The following ADCY3 variants were observed in gnomAD, a reference collection of about 807,000 sequenced individuals.
ADCY3 encodes adenylate cyclase 3, also known as adenylate cyclase type 3.
Under a neutral mutation model 119.4 loss-of-function variants are expected in ADCY3, and 70 were observed. The ratio of observed to expected loss-of-function variants is 0.59; its 90% CI spans 0.48 to 0.72. The LOEUF (loss-of-function observed/expected upper bound fraction) is 0.72, where lower values mean the gene tolerates loss of function less well. Among genes scored for constraint, ADCY3 ranks in the 30% least tolerant of loss-of-function variants. ADCY3 has a pLI of 0.00. For synonymous variants in ADCY3, 672 were observed against 621.4 expected (o/e 1.08, Z -1.21); for missense variants, 1,238 against 1,541.6 (o/e 0.80, Z 3.30).
chr2:24,825,422 C>T (rs1191391210), intron 16 of ADCY3, among the ~76,000 whole-genome samples: 3 of 147,646 alleles, frequency 2.0e-5, no homozygotes, highest in Non-Finnish European at 4.5e-5. Flanking sequence ...ACAGCCTCAA[C>T]CTCCTAGATT....
At chr2:24,833,640 G>C (rs559424334) in intron 11 of ADCY3, among the ~76,000 whole-genome samples, 1 of 152,226 alleles carries the variant, frequency 6.6e-6, no homozygotes, top group Admixed American at 6.5e-5. Flanking sequence ...GAGAGCAGGG[G>C]TTTCTGTGTG....
chr2:24,876,624 C>T (rs1404303717), intron 2 of ADCY3, among the ~76,000 whole-genome samples: 1 of 152,134 alleles, frequency 6.6e-6, no homozygotes, highest in Non-Finnish European at 1.5e-5. Context: ...GGGACGGTGG[C>T]GTGACATCGT....
Position 24,834,659 on chromosome 2 carries a change from C to A in ADCY3, c.1806-13G>T. 2 of 1,611,432 alleles carry A rather than the reference C, an allele frequency of 1.2e-6. No homozygotes were observed. Among genetic ancestry groups the A allele is most frequent in the Non-Finnish European group, 1.7e-6 (2 of 1,177,836 alleles). ...TCTCTTCTTTACTCTGCAGTGGGAA[C>A]AAGCCCCATGAATCCCAAATGCCAC... On this transcript the variant is annotated splice_polypyrimidine_tract_variant and intron_variant, in intron 10 of 21. Transcript: ENST00000679454. The surrounding 1 kb of genome is among the most constrained non-coding windows in gnomAD (Gnocchi z 4.2).
chr2:24,894,330 C>T (rs188014396), intron 2 of ADCY3, among the ~76,000 whole-genome samples: 76 of 152,158 alleles, frequency 5.0e-4, no homozygotes, highest in African/African-American at 1.7e-3. Flanking sequence ...AAAAAGTTAG[C>T]CAGACATGCT....
At chr2:24,840,413 G>A in intron 6 of ADCY3, 1 of 392,130 alleles carries the variant, frequency 2.6e-6, no homozygotes, top group Admixed American at 3.6e-5. Context: ...ACAGCCCCCT[G>A]CCTGAACGTG....
At chr2:24,895,193 C>A (rs111772568) in intron 2 of ADCY3, among the ~76,000 whole-genome samples, 1 of 151,988 alleles carries the variant, frequency 6.6e-6, no homozygotes, top group Non-Finnish European at 1.5e-5. Flanking sequence ...TGGGTTCAAG[C>A]GATTCTCCTG....
chr2:24,832,815 A>G (rs542633913), intron 11 of ADCY3, among the ~76,000 whole-genome samples: 3 of 152,198 alleles, frequency 2.0e-5, no homozygotes, highest in African/African-American at 4.8e-5. Context: ...TGGGCACTGC[A>G]AACTTCACGT....
intron 2 of ADCY3, among the ~76,000 whole-genome samples, chr2:24,879,274 C>T (rs1572970404): frequency 6.6e-6 from 1 of 151,944 alleles, no homozygotes; most frequent in Non-Finnish European, 1.5e-5. Flanking sequence ...AAATCGAGAC[C>T]ATCCTGGCTA....
chr2:24,916,493 C>T (rs903825783), intron 2 of ADCY3, among the ~76,000 whole-genome samples: 13 of 152,328 alleles, frequency 8.5e-5, no homozygotes, highest in African/African-American at 3.1e-4. Context: ...ACTATCCTGG[C>T]CAACATGGTG....
intron 17 of ADCY3, 62 bp downstream of exon 17, chr2:24,824,316 G>A (rs1390926557): frequency 1.9e-6 from 3 of 1,584,544 alleles, no homozygotes; most frequent in Non-Finnish European, 2.6e-6. Context: ...GGGGCTGCCT[G>A]AAAGAAAGAA....
At chr2:24,849,438 G>A (rs1672035790) in intron 3 of ADCY3, among the ~76,000 whole-genome samples, 1 of 152,208 alleles carries the variant, frequency 6.6e-6, no homozygotes, top group Admixed American at 6.5e-5. Context: ...CATGAGTGAA[G>A]CGGCCGTGAG....
At chr2:24,915,547 T>G (rs1287271604) in intron 2 of ADCY3, among the ~76,000 whole-genome samples, 3 of 152,010 alleles carry the variant, frequency 2.0e-5, no homozygotes, top group African/African-American at 7.2e-5. Context: ...TTTTTGTTGT[T>G]TTTGTTTTTG....
chr2:24,883,266 T>C (rs1247071295), intron 2 of ADCY3, among the ~76,000 whole-genome samples: 1 of 152,108 alleles, frequency 6.6e-6, no homozygotes, highest in African/African-American at 2.4e-5. Flanking sequence ...AAGAATCGCT[T>C]GAACCCGGGA....
At chr2:24,894,212 G>C (rs1047637489) in intron 2 of ADCY3, among the ~76,000 whole-genome samples, 1 of 152,176 alleles carries the variant, frequency 6.6e-6, no homozygotes, top group African/African-American at 2.4e-5. Flanking sequence ...AGCCAAGTGT[G>C]GTGGCTCACA....
At chr2:24,904,400 C>A (rs1170950875) in intron 2 of ADCY3, among the ~76,000 whole-genome samples, 1 of 152,024 alleles carries the variant, frequency 6.6e-6, no homozygotes, top group African/African-American at 2.4e-5. Flanking sequence ...TGTGGTGGCA[C>A]ATGCCTGTAG....
At chr2:24,833,257 G>C (rs183709639) in intron 11 of ADCY3, among the ~76,000 whole-genome samples, 4 of 152,220 alleles carry the variant, frequency 2.6e-5, no homozygotes, top group African/African-American at 9.6e-5. Context: ...GCGTGTAGGA[G>C]GCCCCACGTC....
At chr2:24,852,189 C>T (rs1288651224) in intron 3 of ADCY3, among the ~76,000 whole-genome samples, 7 of 152,170 alleles carry the variant, frequency 4.6e-5, no homozygotes, top group Non-Finnish European at 4.4e-5. Flanking sequence ...ACAGAAACGG[C>T]CCAGCGGCTG....
intron 3 of ADCY3, among the ~76,000 whole-genome samples, chr2:24,848,671 C>A (rs1300363800): frequency 6.6e-6 from 1 of 152,182 alleles, no homozygotes; most frequent in African/African-American, 2.4e-5. Flanking sequence ...CAGTGCCTGG[C>A]CCACAGGAAG....
At position 24,834,605 on chromosome 2, in the gene ADCY3, A is replaced by G. The variant is rs757290615; in HGVS notation, c.1847T>C (p.Met616Thr). 2 of 1,614,104 alleles carry G rather than the reference A, an allele frequency of 1.2e-6. No homozygotes were observed. Among genetic ancestry groups the G allele is most frequent in the Non-Finnish European group, 8.5e-7 (1 of 1,180,020 alleles). ...GTAGCGGGTTTCCATCTCGGGGTCC[A>G]TGAACCGCATGGACAAGAGGAAGGT... is the stretch of plus-strand genomic sequence containing the variant. Reference protein sequence around the residue: ...RNTFLLSMRFMDPEMETRYSV... With the variant: ...RNTFLLSMRFTDPEMETRYSV... The change falls in exon 11 of 22, where the codon ATG becomes ACG. Residue 616 changes from methionine (M) to threonine (T), a missense_variant. By Grantham distance (81) the Met-to-Thr change is moderately conservative. This residue lies in a region of ADCY3 where 499 missense variants were observed against 571.0 expected (regional missense o/e 0.87). Coordinates refer to ENST00000679454, the MANE Select transcript of ADCY3 (RefSeq NM_004036.5). The surrounding 1 kb of genome is among the most constrained non-coding windows in gnomAD (Gnocchi z 4.2).
Sources: allele counts gnomAD v4.1 joint callset (sites outside exome capture counted in the v4.1 genomes callset), GRCh38; gene constraint gnomAD v4.1.1; regional missense constraint gnomAD v4.1.1; non-coding constraint Gnocchi (gnomAD v3.1); transcripts MANE v1.5; gene names NCBI Gene and HGNC (gene_info 2026-07-23, HGNC 2026-07-21).